The following PEBP4 variants were observed in gnomAD, a reference collection of about 807,000 sequenced individuals.
The protein encoded by PEBP4 is phosphatidylethanolamine binding protein 4, also known as phosphatidylethanolamine-binding protein 4.
Under a neutral mutation model 23.9 loss-of-function variants are expected in PEBP4, and 22 were observed. That is an observed-to-expected ratio of 0.92 (90% CI 0.66 to 1.31). The LOEUF (loss-of-function observed/expected upper bound fraction) is 1.31. Ranked by LOEUF, PEBP4 falls within the 40% of genes most tolerant of loss-of-function variation. PEBP4 has a pLI of 0.00. For missense variants in PEBP4, 324 were observed against 281.7 expected, an observed-to-expected ratio of 1.15 and a Z score of -1.07; for synonymous variants, 112 against 99.3, an observed-to-expected ratio of 1.13 and a Z score of -0.76.
chr8:22,773,893 T>C (rs1291487777), intron 4 of PEBP4, among the ~76,000 whole-genome samples: 1 of 152,062 alleles, frequency 6.6e-6, no homozygotes, highest in East Asian at 1.9e-4. Context: ...CAGAGGACGA[T>C]GGGAGAGTTG....
intron 4 of PEBP4, among the ~76,000 whole-genome samples, chr8:22,796,266 G>A (rs1285992363): frequency 4.0e-5 from 6 of 150,398 alleles, no homozygotes; most frequent in African/African-American, 1.5e-4. Context: ...GCGTGTGTGT[G>A]TGTGTGTGTG....
At chr8:22,770,801 C>A (rs1778190746) in intron 4 of PEBP4, among the ~76,000 whole-genome samples, 1 of 152,220 alleles carries the variant, frequency 6.6e-6, no homozygotes, top group Admixed American at 6.5e-5. Flanking sequence ...ACGGAAAGCA[C>A]ACGTATCCAC....
intron 3 of PEBP4, among the ~76,000 whole-genome samples, chr8:22,875,133 C>T (rs1808092986): frequency 6.6e-6 from 1 of 152,000 alleles, no homozygotes; most frequent in East Asian, 1.9e-4. Context: ...ATGAATTTAG[C>T]CCTCGGAGCC....
upstream of PEBP4, among the ~76,000 whole-genome samples, chr8:22,932,018 T>C (rs1809464837): frequency 6.6e-6 from 1 of 152,238 alleles, no homozygotes; most frequent in African/African-American, 2.4e-5. Context: ...GTAATCTGGC[T>C]ACTCCGTCAT....
At chr8:22,904,179 C>A (rs538533777) in intron 3 of PEBP4, among the ~76,000 whole-genome samples, 1 of 152,296 alleles carries the variant, frequency 6.6e-6, no homozygotes, top group Admixed American at 6.5e-5. Context: ...TGCTTCCCGG[C>A]TCCCTGGCTG....
chr8:22,809,999 C>A (rs1240108078), intron 4 of PEBP4, among the ~76,000 whole-genome samples: 2 of 152,204 alleles, frequency 1.3e-5, no homozygotes, highest in Non-Finnish European at 2.9e-5. Context: ...GGGATATATG[C>A]TCAGTTCTTG....
At chr8:22,937,881 C>T (rs1288045409) in intron 1 of PEBP4, among the ~76,000 whole-genome samples, 1 of 152,020 alleles carries the variant, frequency 6.6e-6, no homozygotes, top group Non-Finnish European at 1.5e-5. Flanking sequence ...TGGATAGCCA[C>T]ATGCAAAAGA....
intron 4 of PEBP4, among the ~76,000 whole-genome samples, chr8:22,752,564 C>T (rs558463001): frequency 3.9e-5 from 6 of 152,106 alleles, no homozygotes; most frequent in South Asian, 2.1e-4. Flanking sequence ...CTGTGTATGC[C>T]GTGGGGAGAG....
At chr8:22,755,619 A>T (rs1392821173) in intron 4 of PEBP4, 1 of 151,986 alleles carries the variant, frequency 6.6e-6, no homozygotes, top group Non-Finnish European at 1.5e-5. Flanking sequence ...TACAGGCGTG[A>T]GCCACCGTGC....
chr8:22,821,378 G>A (rs1022372052), intron 3 of PEBP4, among the ~76,000 whole-genome samples: 2 of 152,172 alleles, frequency 1.3e-5, no homozygotes, highest in African/African-American at 4.8e-5. Flanking sequence ...AGAACTCACA[G>A]CATGAGGTGA....
chr8:22,772,493 C>CTTTTTT (rs34489811), intron 4 of PEBP4, among the ~76,000 whole-genome samples: 4 of 121,630 alleles, frequency 3.3e-5, no homozygotes, highest in Admixed American at 8.9e-5. Context: ...CTCTCTCTCT[C>CTTTTTT]TTTTTTTTTT....
chr8:22,912,216 A>G (rs1234101289), intron 3 of PEBP4, among the ~76,000 whole-genome samples: 1 of 152,204 alleles, frequency 6.6e-6, no homozygotes, highest in African/African-American at 2.4e-5. Context: ...CGTTCTGTTA[A>G]GGTTTCCCCT....
At chr8:22,889,397 G>C (rs936155267) in intron 3 of PEBP4, among the ~76,000 whole-genome samples, 3 of 152,202 alleles carry the variant, frequency 2.0e-5, no homozygotes, top group Admixed American at 2.0e-4. Flanking sequence ...GGGCTTTGGG[G>C]AGAGACCCCA....
At chr8:22,908,929 G>A (rs959539022) in intron 3 of PEBP4, among the ~76,000 whole-genome samples, 5 of 152,170 alleles carry the variant, frequency 3.3e-5, no homozygotes, top group Admixed American at 6.5e-5. Flanking sequence ...GCTTTAAAGC[G>A]TTGCATCCTG....
chr8:22,723,344 C>T (rs920596509), intron 6 of PEBP4, among the ~76,000 whole-genome samples: 3 of 152,204 alleles, frequency 2.0e-5, no homozygotes, highest in African/African-American at 4.8e-5. Flanking sequence ...AGTAGGGAAG[C>T]GTCTTTGGTG....
At chr8:22,932,942 T>C (rs1809480687) in intron 1 of PEBP4, among the ~76,000 whole-genome samples, 1 of 150,538 alleles carries the variant, frequency 6.6e-6, no homozygotes, top group Admixed American at 6.7e-5. Context: ...GAGGCGGAGA[T>C]TGCAGTGAGC....
chr8:22,854,641 C>G (rs563216317), intron 3 of PEBP4, among the ~76,000 whole-genome samples: 8 of 152,228 alleles, frequency 5.3e-5, no homozygotes, highest in African/African-American at 1.9e-4. Context: ...AATTCTTGAT[C>G]AAGCGATTTG....
At chr8:22,785,245 A>G (rs189419509) in intron 4 of PEBP4, among the ~76,000 whole-genome samples, 1 of 152,158 alleles carries the variant, frequency 6.6e-6, no homozygotes, top group Non-Finnish European at 1.5e-5. Flanking sequence ...ATTTTGGAGG[A>G]AAAAAGCCGT....
chr8:22,898,028 G>A (rs927965660), intron 3 of PEBP4, among the ~76,000 whole-genome samples: 5 of 152,110 alleles, frequency 3.3e-5, no homozygotes. Context: ...ATCAAAAACT[G>A]AATCTTCTGG....
Sources: gnomAD v4.1 joint callset for allele counts (sites outside exome capture counted in the v4.1 genomes callset) on GRCh38, gnomAD v4.1.1 for gene constraint, MANE v1.5 for transcripts, NCBI Gene and HGNC (gene_info 2026-07-23, HGNC 2026-07-21) for gene names.